Variants in LITAF observed in about 807,000 individuals in gnomAD.
LITAF encodes the protein lipopolysaccharide induced TNF factor.
Under a neutral mutation model 14.5 loss-of-function variants are expected in LITAF, and 9 were observed. The ratio of observed to expected loss-of-function variants is 0.62; its 90% CI spans 0.37 to 1.08. The LOEUF (loss-of-function observed/expected upper bound fraction) is 1.08, where lower values mean the gene tolerates loss of function less well. Among genes scored for constraint, LITAF ranks in the 50% least tolerant of loss-of-function variants. LITAF has a pLI of 0.01. For synonymous variants in LITAF, 98 were observed against 88.2 expected, an observed-to-expected ratio of 1.11 and a Z score of -0.62; for missense variants, 206 against 213.4, an observed-to-expected ratio of 0.97 and a Z score of 0.22.
Position 11,558,862 on chromosome 16 carries a change from T to C in LITAF, c.-5-2127A>G, listed in dbSNP as rs1020578592. Among the ~76,000 whole-genome samples the C allele has an allele frequency of 2.0e-5, 3 of 152,200 alleles. No individual in the cohort carries two copies. Among genetic ancestry groups the C allele is most frequent in the African/African-American group, 7.2e-5 (3 of 41,454 alleles). On this transcript the variant is annotated intron_variant, in intron 1 of 3. Transcript: ENST00000622633. The surrounding 1 kb of genome is among the most constrained non-coding windows in gnomAD (Gnocchi z 4.1). ...TCAAGACTTCTTTCTATCAGAGTGC[T>C]GTCCAACAGAATCTTCTGTGAGGAT...
intron 1 of LITAF, among the ~76,000 whole-genome samples, chr16:11,579,442 A>G (rs2141825018): frequency 6.6e-6 from 1 of 150,898 alleles, no homozygotes; most frequent in South Asian, 2.1e-4. Flanking sequence ...TGGGCGACAG[A>G]GCGAGACTCC....
In LITAF at chr16:11,617,531, A is replaced by G. The variant is rs1198605009; in HGVS notation, c.85+16002T>C. On this transcript the variant is annotated intron_variant, in intron 3 of 3. Coordinates refer to the LITAF transcript ENST00000574848. ...AACTTCTGCCTCCCGGGTTCAAGGG[A>G]TTCTCTTGCCTCAGCCTCCCAAGTA... Among the ~76,000 whole-genome samples the G allele has an allele frequency of 2.2e-5, 3 of 134,446 alleles. No individual in the cohort carries two copies. In the Admixed American group the frequency reaches 2.8e-4, roughly 12 times the overall value. The allele number at this position is 134,446 out of a possible 152,430, so 88.2% of individuals were successfully genotyped here. A position where few individuals can be genotyped will look rare whatever the true frequency, so the allele number is the denominator to read the frequency against.
At position 11,553,773 on chromosome 16, in the gene LITAF, G is replaced by T; in HGVS notation, c.221-84C>A. The T allele has an allele frequency of 6.9e-7, 1 of 1,447,404 alleles. No homozygotes were observed. Among genetic ancestry groups the T allele is most frequent in the Non-Finnish European group, 9.6e-7 (1 of 1,036,374 alleles). The allele number at this position is 1,447,404 out of a possible 1,614,324, so 89.7% of individuals were successfully genotyped here. A position where few individuals can be genotyped will look rare whatever the true frequency, so the allele number is the denominator to read the frequency against. Reference sequence around the variant, plus strand: ...ACTACAGGACAAAGAGAGGAACGCAGGGATGCCAGCAAATATTATATTTGT... The same window carrying T: ...ACTACAGGACAAAGAGAGGAACGCATGGATGCCAGCAAATATTATATTTGT... On this transcript the variant is annotated intron_variant, in intron 2 of 3. Transcript: ENST00000622633. This position sits in a 1 kb window ranked among gnomAD's most constrained non-coding sequence, Gnocchi z 7.7.
At chr16:11,621,972 G>A (rs908487856) in intron 3 of LITAF, among the ~76,000 whole-genome samples, 3 of 152,120 alleles carry the variant, frequency 2.0e-5, no homozygotes, top group Admixed American at 6.6e-5. Context: ...AAAGTTTCTC[G>A]TGAAACCTTC....
At chr16:11,610,251 A>G (rs889374277) in intron 3 of LITAF, among the ~76,000 whole-genome samples, 1 of 152,230 alleles carries the variant, frequency 6.6e-6, no homozygotes, top group African/African-American at 2.4e-5. Context: ...TCTATCGGCA[A>G]TCCCTAAGAA....
rs947206036 is a variant in LITAF at position 11,586,679 on chromosome 16, A to C, written c.-6+207T>G. Reference sequence around the variant, plus strand: ...CCCAACCGGAGACGCGGCCGGGACCAGCGCTGGGAGGCCGGACCCCGCCCC... The same window carrying C: ...CCCAACCGGAGACGCGGCCGGGACCCGCGCTGGGAGGCCGGACCCCGCCCC... On this transcript the variant is annotated intron_variant, in intron 1 of 3. Coordinates refer to ENST00000622633, the MANE Select transcript of LITAF (RefSeq NM_001136472.2). The surrounding 1 kb of genome is among the most constrained non-coding windows in gnomAD (Gnocchi z 6.5). Among the ~76,000 whole-genome samples, 15 of 151,346 alleles carry C rather than the reference A, an allele frequency of 9.9e-5. No individual in the cohort carries two copies. Among genetic ancestry groups the C allele is most frequent in the Admixed American group, 2.0e-4 (3 of 15,252 alleles).
At position 11,605,406 on chromosome 16, in the gene LITAF, G is replaced by T. The variant is rs566412800; in HGVS notation, c.85+28127C>A. On this transcript the variant is annotated intron_variant, in intron 3 of 3. Coordinates refer to the LITAF transcript ENST00000574848. This position sits in a 1 kb window ranked among gnomAD's most constrained non-coding sequence, Gnocchi z 4.7. ...CACCTCCCGGAGGACTGGGAAGAGG[G>T]AAAGGAGCACAGCTAGCACTGCCCT... 2.6e-5 allele frequency among the ~76,000 whole-genome samples: 4 copies of T among 152,298 alleles called. No individual in the cohort carries two copies. The South Asian group carries it at 8.3e-4, about 32-fold the overall frequency.
chr16:11,574,401 C>G (rs746794679), intron 1 of LITAF, among the ~76,000 whole-genome samples: 1 of 152,076 alleles, frequency 6.6e-6, no homozygotes, highest in Non-Finnish European at 1.5e-5. Context: ...AGAAACTTAA[C>G]GGTCGGTGTT....
At chr16:11,615,685 C>A (rs910922286) in intron 3 of LITAF, among the ~76,000 whole-genome samples, 2 of 152,050 alleles carry the variant, frequency 1.3e-5, no homozygotes, top group East Asian at 1.9e-4. Context: ...AAATAAATAA[C>A]TAAAATAAAA....
chr16:11,581,257 TC>T (rs1361356119), intron 1 of LITAF, among the ~76,000 whole-genome samples: 1 of 152,226 alleles, frequency 6.6e-6, no homozygotes, highest in Non-Finnish European at 1.5e-5. Flanking sequence ...AAGAAAGTCT[TC>T]TCTCTCCCCT....
At position 11,557,082 on chromosome 16, in the gene LITAF, T is replaced by G. The variant is rs544422252; in HGVS notation, c.-5-347A>C. ...CTTCGTTGTTTTTTTTTGTTTGTTT[T>G]TTTGTGGTTTTTTTGGTTTTTAAAC... On this transcript the variant is annotated intron_variant, in intron 1 of 3. Coordinates refer to ENST00000622633, the MANE Select transcript of LITAF (RefSeq NM_001136472.2). 5.1e-4 allele frequency among the ~76,000 whole-genome samples: 78 copies of G among 151,988 alleles called. 3 individuals are homozygous for G. In the East Asian group the frequency reaches 0.012, roughly 23 times the overall value.
chr16:11,564,597 A>C (rs977264436), intron 1 of LITAF, among the ~76,000 whole-genome samples: 9 of 49,392 alleles, frequency 1.8e-4, no homozygotes, highest in Middle Eastern at 8.9e-3. Flanking sequence ...ATTGCAGGGG[A>C]GTGCAAGGAT....
At chr16:11,587,220 G>A, upstream of LITAF, 1 of 374,952 alleles carries the variant, frequency 2.7e-6, no homozygotes, top group South Asian at 1.9e-5. Flanking sequence ...CTCGGTGCCA[G>A]CCCCACCCGT....
At chr16:11,581,382 C>T (rs1331336461) in intron 1 of LITAF, among the ~76,000 whole-genome samples, 1 of 152,174 alleles carries the variant, frequency 6.6e-6, no homozygotes, top group Admixed American at 6.6e-5. Flanking sequence ...GGGTGAGGCT[C>T]ATGCCTGTAA....
Position 11,548,168 on chromosome 16 carries a change from A to G in LITAF, c.*1469T>C. On this transcript the variant is annotated 3_prime_UTR_variant, in exon 4 of 4. Transcript: ENST00000622633. Reference sequence around the variant, plus strand: ...CAACCAATATACAGATGTTCGCTCAAGGTCTAGGTTTTATTTCTACATAGT... The same window carrying G: ...CAACCAATATACAGATGTTCGCTCAGGGTCTAGGTTTTATTTCTACATAGT... The G allele has an allele frequency of 2.2e-6, 1 of 454,134 alleles. No homozygotes were observed. Among genetic ancestry groups the G allele is most frequent in the Non-Finnish European group, 4.4e-6 (1 of 226,786 alleles). 28.1% of individuals were successfully genotyped at this position (454,134 alleles called of 1,614,324 possible). A position where few individuals can be genotyped will look rare whatever the true frequency, so the allele number is the denominator to read the frequency against.
In LITAF at chr16:11,553,493, A is replaced by G; in HGVS notation, c.377+40T>C. The G allele has an allele frequency of 6.2e-7, 1 of 1,611,498 alleles. No individual in the cohort carries two copies. Among genetic ancestry groups the G allele is most frequent in the Non-Finnish European group, 8.5e-7 (1 of 1,178,714 alleles). On this transcript the variant is annotated intron_variant, in intron 3 of 3. Transcript: ENST00000622633. This position sits in a 1 kb window ranked among gnomAD's most constrained non-coding sequence, Gnocchi z 7.7. ...CCACCCCCGCCAGCACCCAGAGAGAAGGGCAGGATGGCTTGGGGCCAAGTG... is the reference window on the plus strand; with the variant it reads ...CCACCCCCGCCAGCACCCAGAGAGAGGGGCAGGATGGCTTGGGGCCAAGTG...
intron 3 of LITAF, among the ~76,000 whole-genome samples, chr16:11,628,089 G>A (rs1374639140): frequency 6.7e-6 from 1 of 148,172 alleles, no homozygotes; most frequent in African/African-American, 2.5e-5. Flanking sequence ...AGAACACAAA[G>A]ACACATTTGC....
rs1363327138 is a variant in LITAF at position 11,549,083 on chromosome 16, T to C, written c.*554A>G. On this transcript the variant is annotated 3_prime_UTR_variant, in exon 4 of 4. Coordinates refer to ENST00000622633, the MANE Select transcript of LITAF (RefSeq NM_001136472.2). The surrounding 1 kb of genome is among the most constrained non-coding windows in gnomAD (Gnocchi z 4.6). ...AAAAAAATTAAGAAATTAAAGTGAA[T>C]CTGTGTGCTAATGAAGTCTGCAGTT... 2.2e-6 allele frequency: 1 copy of C among 453,800 alleles called. No individual in the cohort carries two copies. Among genetic ancestry groups the C allele is most frequent in the Non-Finnish European group, 4.4e-6 (1 of 226,760 alleles). The allele number at this position is 453,800 out of a possible 1,614,324, so 28.1% of individuals were successfully genotyped here.
intron 3 of LITAF, among the ~76,000 whole-genome samples, chr16:11,620,346 A>C (rs1048940219): frequency 2.6e-5 from 4 of 151,898 alleles, no homozygotes; most frequent in African/African-American, 9.7e-5. Context: ...GATTGTTTAA[A>C]AGACTGTGGC....
Sources: gnomAD v4.1 joint callset for allele counts (sites outside exome capture counted in the v4.1 genomes callset) on GRCh38, gnomAD v4.1.1 for gene constraint, Gnocchi (gnomAD v3.1) non-coding constraint, MANE v1.5 for transcripts, NCBI Gene and HGNC (gene_info 2026-07-23, HGNC 2026-07-21) for gene names.